Variants in NCAM2 observed in about 807,000 individuals in gnomAD.
NCAM2 encodes N-CAM-2.
NCAM2 carries 30 observed loss-of-function variants against 98.1 expected under a neutral mutation model. That is an observed-to-expected ratio of 0.31 (90% CI 0.23 to 0.41). The LOEUF is 0.41. Ranked by LOEUF, NCAM2 falls within the 10% of genes least tolerant of loss-of-function variation. The pLI, the probability that NCAM2 is intolerant of heterozygous loss-of-function variation, is 1.00. For synonymous variants in NCAM2, 368 were observed against 342.4 expected (o/e 1.07, Z -0.83); for missense variants, 867 against 1,005.8 (o/e 0.86, Z 1.87).
intron 15 of NCAM2, among the ~76,000 whole-genome samples, chr21:21,492,337 GAAC>G (rs1306023530): frequency 2.6e-5 from 4 of 151,700 alleles, no homozygotes; most frequent in African/African-American, 7.2e-5. Context: ...GGCCTGTGGA[GAAC>G]AACAACAAAA....
intron 1 of NCAM2, among the ~76,000 whole-genome samples, chr21:21,267,278 C>T (rs1318269179): frequency 1.3e-5 from 2 of 152,124 alleles, no homozygotes; most frequent in East Asian, 3.8e-4. Context: ...TTATAATAAG[C>T]TTTGTTTAGT....
At chr21:21,341,565 A>G (rs2075037602) in intron 8 of NCAM2, among the ~76,000 whole-genome samples, 1 of 152,196 alleles carries the variant, frequency 6.6e-6, no homozygotes, top group Admixed American at 6.6e-5. Context: ...ATGAAACTAA[A>G]ATATATAGAT....
chr21:21,317,643 C>T (rs2147760410), intron 5 of NCAM2, among the ~76,000 whole-genome samples: 1 of 152,178 alleles, frequency 6.6e-6, no homozygotes, highest in Admixed American at 6.5e-5. Flanking sequence ...AGCTATCCTC[C>T]CATCTCAGCC....
At chr21:21,311,352 T>G (rs1285603284) in intron 5 of NCAM2, among the ~76,000 whole-genome samples, 1 of 148,372 alleles carries the variant, frequency 6.7e-6, no homozygotes, top group Non-Finnish European at 1.5e-5. Flanking sequence ...TTTTTTTTTT[T>G]TTTTTTGAGA....
At position 21,081,189 on chromosome 21, in the gene NCAM2, G is replaced by A. The variant is rs78168401; in HGVS notation, c.55+82571G>A. ...CTCACTTAGGCGTTCTTCCCTTACC[G>A]GCTGAATGCTCCTAGGAGGTCATTT... On this transcript the variant is annotated intron_variant, in intron 1 of 17. Transcript: ENST00000400546. 1.6e-3 allele frequency among the ~76,000 whole-genome samples: 240 copies of A among 152,164 alleles called. 1 individual carries two copies. In the East Asian group the frequency reaches 0.04, roughly 26 times the overall value.
At chr21:21,308,099 T>A (rs66608320) in intron 5 of NCAM2, among the ~76,000 whole-genome samples, 63,994 of 151,820 alleles carry the variant, frequency 0.42, 14,727 homozygotes, top group Non-Finnish European at 0.53. Flanking sequence ...ACACACACTA[T>A]GTATAGATTC....
chr21:21,469,909 T>C (rs564136805), intron 14 of NCAM2, among the ~76,000 whole-genome samples: 1 of 152,122 alleles, frequency 6.6e-6, no homozygotes, highest in East Asian at 1.9e-4. Flanking sequence ...AGAAGAGAGA[T>C]AATCTTTTCT....
Position 21,539,635 on chromosome 21 carries a change from A to G in NCAM2, c.*1678A>G, listed in dbSNP as rs1164398432. On this transcript the variant is annotated 3_prime_UTR_variant, in exon 18 of 18. Transcript: ENST00000400546. ...GGCTACAGCAGGACAGAATATGACC[A>G]TCTTCGTTTGAAGGCACCAAATCGT... is the stretch of plus-strand genomic sequence containing the variant. 1 of 152,200 alleles carries G rather than the reference A, an allele frequency of 6.6e-6. No individual in the cohort carries two copies. Among genetic ancestry groups the G allele is most frequent in the Non-Finnish European group, 1.5e-5 (1 of 68,040 alleles). 9.4% of individuals were successfully genotyped at this position (152,200 alleles called of 1,614,324 possible).
At chr21:21,045,222 C>A (rs897052382) in intron 1 of NCAM2, among the ~76,000 whole-genome samples, 1 of 152,142 alleles carries the variant, frequency 6.6e-6, no homozygotes, top group African/African-American at 2.4e-5. Context: ...CCAGTCCACT[C>A]CTGATGTCAC....
rs73896609 is a variant in NCAM2 at position 21,217,559 on chromosome 21, A to G, written c.56-63019A>G. On this transcript the variant is annotated intron_variant, in intron 1 of 17. Coordinates refer to ENST00000400546, the MANE Select transcript of NCAM2 (RefSeq NM_004540.5). ...GGAGAATTCTGAAAGTGGTTTCTCA[A>G]GATTCCCATACTTTGGTTATTCAAT... 8.0e-3 allele frequency among the ~76,000 whole-genome samples: 1,217 copies of G among 152,296 alleles called. 19 individuals carry two copies. Among genetic ancestry groups the G allele is most frequent in the African/African-American group, 0.028 (1,165 of 41,548 alleles).
chr21:20,998,505 CT>C lies in NCAM2; in HGVS notation c.-58del. Reference sequence around the variant, plus strand: ...GAGGCGGCCGGGGCAGCGAAAGGTTCTCTCTCCAGGGCTGGACTTAATAACT... The same window carrying C: ...GAGGCGGCCGGGGCAGCGAAAGGTTCCTCTCCAGGGCTGGACTTAATAACT... On this transcript the variant is annotated 5_prime_UTR_variant, in exon 1 of 18. Transcript: ENST00000400546. The C allele has an allele frequency of 6.4e-7, 1 of 1,560,008 alleles. No homozygotes were observed. The highest frequency in any genetic ancestry group is 1.1e-5 in the South Asian group (1 of 87,578).
At chr21:21,340,873 C>G (rs1355188417) in intron 8 of NCAM2, among the ~76,000 whole-genome samples, 1 of 151,854 alleles carries the variant, frequency 6.6e-6, no homozygotes, top group Non-Finnish European at 1.5e-5. Context: ...TATTTGAACT[C>G]TTTTTAATAT....
chr21:21,196,539 T>A (rs1348567515), intron 1 of NCAM2, among the ~76,000 whole-genome samples: 1 of 152,178 alleles, frequency 6.6e-6, no homozygotes, highest in Non-Finnish European at 1.5e-5. Context: ...TGACATAAGA[T>A]GTATGGATCT....
chr21:21,502,127 G>A (rs1421383643), intron 15 of NCAM2, among the ~76,000 whole-genome samples: 1 of 151,830 alleles, frequency 6.6e-6, no homozygotes, highest in Admixed American at 6.6e-5. Flanking sequence ...TTTATATTAA[G>A]TATTTCTCAA....
At chr21:21,414,475 T>TG (rs1456955024) in intron 10 of NCAM2, among the ~76,000 whole-genome samples, 3 of 147,500 alleles carry the variant, frequency 2.0e-5, no homozygotes, top group African/African-American at 5.0e-5. Flanking sequence ...TGTTGTGTGT[T>TG]TTTTTTTTTT....
At chr21:21,379,946 G>A (rs1331672160) in intron 9 of NCAM2, among the ~76,000 whole-genome samples, 1 of 152,058 alleles carries the variant, frequency 6.6e-6, no homozygotes, top group Non-Finnish European at 1.5e-5. Context: ...TCCAATGTTC[G>A]AGGACAGGAG....
At chr21:21,437,138 A>G (rs966436819) in intron 12 of NCAM2, among the ~76,000 whole-genome samples, 2 of 152,104 alleles carry the variant, frequency 1.3e-5, no homozygotes, top group African/African-American at 4.8e-5. Flanking sequence ...ACACTTTTGA[A>G]AAGAGTGAAG....
intron 1 of NCAM2, among the ~76,000 whole-genome samples, chr21:21,005,814 A>G (rs2146116011): frequency 6.6e-6 from 1 of 152,062 alleles, no homozygotes; most frequent in East Asian, 1.9e-4. Flanking sequence ...CCCCCCCAAA[A>G]AAAAAACCCT....
chr21:21,308,228 T>C (rs945514584), intron 5 of NCAM2, among the ~76,000 whole-genome samples: 18 of 152,190 alleles, frequency 1.2e-4, no homozygotes, highest in African/African-American at 4.1e-4. Context: ...TTCAATACTT[T>C]GTGTAAATCC....
Sources: allele counts gnomAD v4.1 joint callset (sites outside exome capture counted in the v4.1 genomes callset), GRCh38; gene constraint gnomAD v4.1.1; transcripts MANE v1.5; gene names NCBI Gene and HGNC (gene_info 2026-07-23, HGNC 2026-07-21).